The following ZNF90 variants were observed in gnomAD, a reference collection of about 807,000 sequenced individuals.
The protein encoded by ZNF90 is zinc finger protein HTF9.
Under a neutral mutation model 12.0 loss-of-function variants are expected in ZNF90, and 11 were observed. The observed-to-expected ratio is 0.92, with a 90% CI of 0.58 to 1.52. ZNF90 has a LOEUF of 1.52. Among genes scored for constraint, ZNF90 ranks in the 40% most tolerant of loss-of-function variants. The pLI is 0.00. For synonymous variants in ZNF90, 232 were observed against 240.1 expected (o/e 0.97, Z 0.31); for missense variants, 765 against 711.5 (o/e 1.08, Z -0.86).
chr19:20,113,352 G>A (rs1454033495), intron 3 of ZNF90, among the ~76,000 whole-genome samples: 2 of 151,828 alleles, frequency 1.3e-5, no homozygotes, highest in African/African-American at 4.8e-5. Context: ...TACAACGCCC[G>A]CCTAATTTCA....
In ZNF90 at chr19:20,078,118, C is replaced by T; in HGVS notation, c.-15C>T. 6.2e-7 allele frequency: 1 copy of T among 1,614,114 alleles called. No individual in the cohort carries two copies. Among genetic ancestry groups the T allele is most frequent in the South Asian group, 1.1e-5 (1 of 91,060 alleles). ...TTGGGAGATCCACAGCTGAGGGACC[C>T]CCGGAAGCCTAGAAATGGTGAGAGT... is the stretch of plus-strand genomic sequence containing the variant. On this transcript the variant is annotated 5_prime_UTR_variant, in exon 1 of 4. Transcript: ENST00000418063.
At chr19:20,080,330 ACT>A (rs925836690) in intron 1 of ZNF90, 4 of 501,386 alleles carry the variant, frequency 8.0e-6, no homozygotes, top group African/African-American at 8.0e-5. Context: ...CCAGTACAAC[ACT>A]CTGAGCCACA....
At position 20,119,619 on chromosome 19, in the gene ZNF90, A is replaced by G. The variant is rs2089178799; in HGVS notation, c.*259A>G. On this transcript the variant is annotated 3_prime_UTR_variant, in exon 4 of 4. Transcript: ENST00000418063. Reference sequence around the variant, plus strand: ...CAGCAAAGCCTATAACAAGTTCTCAATTCTTTTTTTTTTTTTTTAAGAAGG... The same window carrying G: ...CAGCAAAGCCTATAACAAGTTCTCAGTTCTTTTTTTTTTTTTTTAAGAAGG... 3.0e-6 allele frequency: 1 copy of G among 333,282 alleles called. No homozygotes were observed. The highest frequency in any genetic ancestry group is 5.6e-5 in the South Asian group (1 of 17,842). 20.6% of individuals were successfully genotyped at this position (333,282 alleles called of 1,614,324 possible). A position where few individuals can be genotyped will look rare whatever the true frequency, so the allele number is the denominator to read the frequency against.
chr19:20,091,880 T>C (rs1308223459), intron 1 of ZNF90, among the ~76,000 whole-genome samples: 2 of 152,194 alleles, frequency 1.3e-5, no homozygotes, highest in Non-Finnish European at 2.9e-5. Flanking sequence ...TTCGGCTTGC[T>C]GAGAGGTAGT....
Position 20,119,081 on chromosome 19 carries a change from C to G in ZNF90, c.1527C>G (p.Tyr509Ter), listed in dbSNP as rs1555706245. 1.2e-6 allele frequency: 2 copies of G among 1,612,554 alleles called. No individual in the cohort carries two copies. The highest frequency in any genetic ancestry group is 3.4e-5 in the Admixed American group (2 of 59,678). The change falls in exon 4 of 4, where the codon TAC (tyrosine) becomes TAG (stop). Residue 509 changes from tyrosine (Y) to a stop codon, truncating the protein, a stop_gained. Transcript: ENST00000418063. LOFTEE classifies it low-confidence loss of function (END_TRUNC). ...HKIIHSGENP[Y>*]KCEECGKAFK... ...TAATTCACAGTGGAGAGAATCCCTA[C>G]AAATGTGAAGAATGTGGCAAAGCCT... is the stretch of plus-strand genomic sequence containing the variant.
chr19:20,086,667 CTA>C (rs1362895918), intron 1 of ZNF90, among the ~76,000 whole-genome samples: 23 of 152,058 alleles, frequency 1.5e-4, no homozygotes, highest in African/African-American at 5.3e-4. Context: ...ATTTTTAAAA[CTA>C]TAATTTTAAA....
chr19:20,105,266 G>GA lies in ZNF90; in HGVS notation c.183dup (p.Pro62ThrfsTer8), dbSNP rs782512219. 6.8e-6 allele frequency: 11 copies of GA among 1,607,070 alleles called. No individual in the cohort carries two copies. Among genetic ancestry groups the GA allele is most frequent in the East Asian group, 4.5e-5 (2 of 44,604 alleles). On this transcript the variant is annotated frameshift_variant, in exon 3 of 4. Coordinates refer to ENST00000418063, the MANE Select transcript of ZNF90 (RefSeq NM_007138.2). LOFTEE classifies it low-confidence loss of function (END_TRUNC). ...GACCTGATCACCTGTCTGGAGCAAGGAAAAAAACCCTTCACTGTGAAGAGA... is the reference window on the plus strand; with the variant it reads ...GACCTGATCACCTGTCTGGAGCAAGGAAAAAAAACCCTTCACTGTGAAGAGA...
chr19:20,078,196 T>C (rs1348770898), intron 1 of ZNF90, 61 bp downstream of exon 1: 53 of 1,610,632 alleles, frequency 3.3e-5, no homozygotes, highest in Non-Finnish European at 4.3e-5. Context: ...CGATGGGAAG[T>C]GGCTGTGGCG....
At chr19:20,081,547 A>G (rs1482800838) in intron 1 of ZNF90, among the ~76,000 whole-genome samples, 4 of 152,164 alleles carry the variant, frequency 2.6e-5, no homozygotes, top group Admixed American at 6.5e-5. Context: ...GTCTCCTGGC[A>G]TATCCCCACC....
intron 1 of ZNF90, among the ~76,000 whole-genome samples, chr19:20,083,491 C>T (rs1334299038): frequency 6.6e-6 from 1 of 151,928 alleles, no homozygotes; most frequent in Non-Finnish European, 1.5e-5. Flanking sequence ...CCACGTTTGG[C>T]TAATTTTGTG....
intron 1 of ZNF90, among the ~76,000 whole-genome samples, chr19:20,096,621 A>T (rs1334557616): frequency 1.3e-5 from 2 of 152,184 alleles, no homozygotes; most frequent in African/African-American, 4.8e-5. Context: ...AGTTAAGGCA[A>T]GGACTGGCCA....
intron 1 of ZNF90, among the ~76,000 whole-genome samples, chr19:20,085,417 G>A (rs2088851913): frequency 6.6e-6 from 1 of 151,896 alleles, no homozygotes; most frequent in Non-Finnish European, 1.5e-5. Flanking sequence ...CTGCCACCGC[G>A]CCCGGCTAAT....
chr19:20,093,643 G>A (rs933420355), intron 1 of ZNF90, among the ~76,000 whole-genome samples: 31 of 152,142 alleles, frequency 2.0e-4, no homozygotes, highest in Non-Finnish European at 3.5e-4. Context: ...GCATAAAAGA[G>A]TGTTGTCCAA....
chr19:20,111,487 C>T (rs1246590403), intron 3 of ZNF90, among the ~76,000 whole-genome samples: 3 of 152,102 alleles, frequency 2.0e-5, no homozygotes, highest in Non-Finnish European at 4.4e-5. Flanking sequence ...TTCCACAGTA[C>T]TAAGATTACA....
At chr19:20,088,283 T>C (rs2122482232) in intron 1 of ZNF90, among the ~76,000 whole-genome samples, 1 of 152,064 alleles carries the variant, frequency 6.6e-6, no homozygotes, top group South Asian at 2.1e-4. Flanking sequence ...CGTGGGAACC[T>C]AGAGTGGGAG....
At chr19:20,103,175 T>G (rs2089003907) in intron 1 of ZNF90, among the ~76,000 whole-genome samples, 1 of 152,186 alleles carries the variant, frequency 6.6e-6, no homozygotes, top group Non-Finnish European at 1.5e-5. Context: ...GAGCCCACGC[T>G]GTTTATTGGT....
intron 3 of ZNF90, among the ~76,000 whole-genome samples, chr19:20,114,753 T>C (rs10422539): frequency 1.3e-5 from 2 of 152,166 alleles, no homozygotes; most frequent in Admixed American, 1.3e-4. Flanking sequence ...TATCCTGATG[T>C]TGTTGAGGAG....
chr19:20,099,556 C>T (rs1568286712), intron 1 of ZNF90, among the ~76,000 whole-genome samples: 2 of 152,156 alleles, frequency 1.3e-5, no homozygotes, highest in African/African-American at 2.4e-5. Flanking sequence ...CTGGTGTGGC[C>T]TTCTTAGCCT....
chr19:20,120,683 AAC>A lies in ZNF90; in HGVS notation c.*1325_*1326del, dbSNP rs1249817573. ...ACTGATACTTCAGACATTACACTAAAACAGTGTTGAGTATAAAAAAGAATCCA... is the reference window on the plus strand; with the variant it reads ...ACTGATACTTCAGACATTACACTAAAAGTGTTGAGTATAAAAAAGAATCCA... On this transcript the variant is annotated 3_prime_UTR_variant, in exon 4 of 4. Transcript: ENST00000418063. 1 of 152,222 alleles carries A rather than the reference AAC, an allele frequency of 6.6e-6. No homozygotes were observed. Among genetic ancestry groups the A allele is most frequent in the Admixed American group, 6.5e-5 (1 of 15,292 alleles). The allele number at this position is 152,222 out of a possible 1,614,324, so 9.4% of individuals were successfully genotyped here.
Sources: allele counts gnomAD v4.1 joint callset (sites outside exome capture counted in the v4.1 genomes callset), GRCh38; gene constraint gnomAD v4.1.1; transcripts MANE v1.5; gene names NCBI Gene and HGNC (gene_info 2026-07-23, HGNC 2026-07-21).